Variants in RALYL observed in about 807,000 individuals in gnomAD.
RALYL encodes RNA-binding Raly-like protein.
Under a neutral mutation model 35.1 loss-of-function variants are expected in RALYL, and 29 were observed. The ratio of observed to expected loss-of-function variants is 0.83; its 90% CI spans 0.61 to 1.13. The LOEUF is 1.13. RALYL is among the 50% of genes most tolerant of loss of function. The probability of loss-of-function intolerance (pLI) is 0.00; values close to 1 mark genes in which losing one functional copy is unlikely to be tolerated. For synonymous variants in RALYL, 120 were observed against 127.6 expected, an observed-to-expected ratio of 0.94 and a Z score of 0.40; for missense variants, 359 against 360.4, an observed-to-expected ratio of 1.00 and a Z score of 0.03.
chr8:84,844,404 C>G (rs976181543), intron 4 of RALYL, among the ~76,000 whole-genome samples: 2 of 152,150 alleles, frequency 1.3e-5, no homozygotes, highest in African/African-American at 2.4e-5. Flanking sequence ...AAATGCAAAT[C>G]AAAACCACAA....
chr8:84,753,894 G>C (rs540222371), intron 2 of RALYL, among the ~76,000 whole-genome samples: 2 of 152,248 alleles, frequency 1.3e-5, no homozygotes, highest in Middle Eastern at 3.4e-3. Flanking sequence ...GGCTAGTGAT[G>C]ATGAGCATTT....
chr8:84,655,272 C>CT (rs1184764168), intron 2 of RALYL, among the ~76,000 whole-genome samples: 3 of 151,290 alleles, frequency 2.0e-5, no homozygotes, highest in African/African-American at 7.3e-5. Flanking sequence ...TCTTTTGCCC[C>CT]TTTTTAAATC....
At chr8:84,455,236 T>C (rs1388099775) in intron 1 of RALYL, among the ~76,000 whole-genome samples, 3 of 152,024 alleles carry the variant, frequency 2.0e-5, no homozygotes, top group African/African-American at 7.2e-5. Context: ...GTTAACCCTT[T>C]TTTAAAAAAA....
chr8:84,799,656 A>G (rs1822738511), intron 3 of RALYL, among the ~76,000 whole-genome samples: 1 of 152,208 alleles, frequency 6.6e-6, no homozygotes, highest in Non-Finnish European at 1.5e-5. Flanking sequence ...AACAAGGAAG[A>G]GCAAAATAAG....
At chr8:84,777,487 T>A (rs1175289950) in intron 3 of RALYL, among the ~76,000 whole-genome samples, 1 of 152,238 alleles carries the variant, frequency 6.6e-6, no homozygotes, top group East Asian at 1.9e-4. Context: ...GTTCTTTTTG[T>A]AACATAGTAG....
At chr8:84,553,027 A>T (rs1440950505) in intron 2 of RALYL, among the ~76,000 whole-genome samples, 2 of 152,228 alleles carry the variant, frequency 1.3e-5, no homozygotes, top group Non-Finnish European at 2.9e-5. Flanking sequence ...AGGAAATCTT[A>T]TGCAATTATA....
chr8:84,516,463 T>C (rs1233274177), intron 1 of RALYL, among the ~76,000 whole-genome samples: 2 of 152,086 alleles, frequency 1.3e-5, no homozygotes, highest in Admixed American at 6.6e-5. Context: ...CTGTATAATA[T>C]ATTTAAGCAC....
intron 4 of RALYL, among the ~76,000 whole-genome samples, chr8:84,807,212 T>C (rs1264276409): frequency 6.6e-6 from 1 of 152,214 alleles, no homozygotes; most frequent in African/African-American, 2.4e-5. Flanking sequence ...ATCATTCTTA[T>C]GCTTTTCCAT....
chr8:84,344,013 C>T (rs912675572), intron 1 of RALYL, among the ~76,000 whole-genome samples: 14 of 151,942 alleles, frequency 9.2e-5, no homozygotes, highest in African/African-American at 2.4e-4. Flanking sequence ...AAATCCCCAA[C>T]GTGTTCAATT....
chr8:84,820,806 A>G (rs1045296750), intron 4 of RALYL, among the ~76,000 whole-genome samples: 30 of 152,208 alleles, frequency 2.0e-4, no homozygotes, highest in Admixed American at 3.9e-4. Context: ...CCACATTGGA[A>G]AGGGTAATCA....
At chr8:84,659,375 CAAA>C (rs1588831123) in intron 2 of RALYL, among the ~76,000 whole-genome samples, 2 of 151,952 alleles carry the variant, frequency 1.3e-5, no homozygotes, top group South Asian at 2.1e-4. Flanking sequence ...CCCATTAGGC[CAAA>C]TGTGAGAGAG....
At chr8:84,184,921 C>T in intron 1 of RALYL, 1 of 1,573,252 alleles carries the variant, frequency 6.4e-7, no homozygotes, top group Non-Finnish European at 8.7e-7. Context: ...GCCACGCGAG[C>T]CGGAGCTGGA....
At chr8:84,366,215 AT>A (rs1172489290) in intron 1 of RALYL, among the ~76,000 whole-genome samples, 1 of 152,184 alleles carries the variant, frequency 6.6e-6, no homozygotes, top group Non-Finnish European at 1.5e-5. Context: ...TTGGAAGGGA[AT>A]ATGTATGCAT....
Position 84,261,024 on chromosome 8 carries a change from G to A in RALYL, c.-24+76600G>A, listed in dbSNP as rs545865902. 1.7e-4 allele frequency among the ~76,000 whole-genome samples: 25 copies of A among 151,188 alleles called. No individual in the cohort carries two copies. The East Asian group carries it at 2.9e-3, about 18-fold the overall frequency. ...TGATCTATATATTTATTGTTTAACCGTTTTTGCTGCCTTAAGATACTTAAT... is the reference window on the plus strand; with the variant it reads ...TGATCTATATATTTATTGTTTAACCATTTTTGCTGCCTTAAGATACTTAAT... On this transcript the variant is annotated intron_variant, in intron 1 of 8. Coordinates refer to ENST00000521268, the MANE Select transcript of RALYL (RefSeq NM_173848.7).
intron 1 of RALYL, among the ~76,000 whole-genome samples, chr8:84,410,273 TTCAAATTCTGATAC>T (rs1473634481): frequency 1.6e-4 from 24 of 151,944 alleles, no homozygotes; most frequent in African/African-American, 5.8e-4. Context: ...ATTGCCTAGG[TTCAAATTCTGATAC>T]AAAAACTCTA....
intron 2 of RALYL, among the ~76,000 whole-genome samples, chr8:84,763,828 T>G (rs115889689): frequency 4.2e-4 from 64 of 152,326 alleles, no homozygotes; most frequent in African/African-American, 1.5e-3. Flanking sequence ...CATTATCATT[T>G]CGTGTTTGCT....
At chr8:84,184,961 G>C (rs543021135) in intron 1 of RALYL, 22 of 1,613,394 alleles carry the variant, frequency 1.4e-5, no homozygotes, top group Non-Finnish European at 1.7e-5. Context: ...GGATGGCACC[G>C]GCCCTCGCAC....
chr8:84,452,360 A>G (rs1461695959), intron 1 of RALYL, among the ~76,000 whole-genome samples: 2 of 151,398 alleles, frequency 1.3e-5, no homozygotes, highest in African/African-American at 4.8e-5. Context: ...AATACTATTT[A>G]TATTCTAAAA....
intron 1 of RALYL, among the ~76,000 whole-genome samples, chr8:84,251,687 T>G (rs983218499): frequency 1.3e-5 from 2 of 152,140 alleles, no homozygotes; most frequent in Non-Finnish European, 2.9e-5. Flanking sequence ...TTATTCACAA[T>G]CTGAAAATAT....
Sources: gnomAD v4.1 joint callset for allele counts (sites outside exome capture counted in the v4.1 genomes callset) on GRCh38, gnomAD v4.1.1 for gene constraint, MANE v1.5 for transcripts, NCBI Gene and HGNC (gene_info 2026-07-23, HGNC 2026-07-21) for gene names.